Variants in RIF1 observed in about 807,000 individuals in gnomAD.
The protein encoded by RIF1 is replication timing regulatory factor 1.
In RIF1, 45 loss-of-function variants were observed where a neutral mutation model predicts 247.1. The ratio of observed to expected loss-of-function variants is 0.18; its 90% CI spans 0.14 to 0.23. The LOEUF is 0.23. RIF1 is among the 10% of genes least tolerant of loss of function. The probability of loss-of-function intolerance (pLI) is 1.00; values close to 1 mark genes in which losing one functional copy is unlikely to be tolerated. For synonymous variants in RIF1, 1,087 were observed against 978.8 expected, an observed-to-expected ratio of 1.11 and a Z score of -2.06; for missense variants, 2,967 against 2,862.5, an observed-to-expected ratio of 1.04 and a Z score of -0.83.
Position 151,464,322 on chromosome 2 carries a change from C to A in RIF1, c.4802C>A (p.Ser1601Ter). The A allele has an allele frequency of 6.2e-7, 1 of 1,610,834 alleles. No homozygotes were observed. Among genetic ancestry groups the A allele is most frequent in the South Asian group, 1.1e-5 (1 of 90,140 alleles). Residue 1601 changes from serine (S) to a stop codon, truncating the protein, a stop_gained, in exon 30 of 36, where the codon TCA becomes TAA. Coordinates refer to ENST00000444746, the MANE Select transcript of RIF1 (RefSeq NM_018151.5). LOFTEE classifies it high-confidence loss of function. ...KQECIKAENQ[S>*]HDYKATSEED... ...GAATGTATAAAAGCTGAAAATCAGTCACATGATTATAAAGCAACTTCTGAA... is the reference window on the plus strand; with the variant it reads ...GAATGTATAAAAGCTGAAAATCAGTAACATGATTATAAAGCAACTTCTGAA...
chr2:151,533,329 C>T, the RIF1 span: 1 of 697,690 alleles, frequency 1.4e-6, no homozygotes, highest in Non-Finnish European at 2.4e-6. Context: ...CATAGCTTTA[C>T]CATATGAAGC....
chr2:151,436,446 T>C (rs2152337449), intron 11 of RIF1, among the ~76,000 whole-genome samples: 1 of 149,514 alleles, frequency 6.7e-6, no homozygotes, highest in South Asian at 2.1e-4. Context: ...GGAATGCTGA[T>C]GGGAGAAGTG....
intron 7 of RIF1, among the ~76,000 whole-genome samples, chr2:151,420,643 G>A (rs548272855): frequency 3.2e-4 from 48 of 151,718 alleles, no homozygotes; most frequent in African/African-American, 8.2e-4. Flanking sequence ...AGACTAAGGC[G>A]GGAGGGTTGC....
chr2:151,533,501 T>G, the RIF1 span: 13 of 1,551,472 alleles, frequency 8.4e-6, no homozygotes, highest in Middle Eastern at 1.7e-4. Context: ...AGAATTTCAT[T>G]ACATCCATGT....
intron 30 of RIF1, 51 bp from the exon 31 acceptor site, chr2:151,467,949 T>A (rs748344720): frequency 3.9e-6 from 6 of 1,540,540 alleles, no homozygotes; most frequent in African/African-American, 1.4e-5. Flanking sequence ...TATGGTGTAA[T>A]TTTTTAAAAA....
chr2:151,494,683 C>G (rs2058941907), intron 9 of RIF1, among the ~76,000 whole-genome samples: 1 of 152,066 alleles, frequency 6.6e-6, no homozygotes, highest in Non-Finnish European at 1.5e-5. Context: ...GAGTCTTGCT[C>G]TGTCACCCAG....
the RIF1 span, among the ~76,000 whole-genome samples, chr2:151,525,542 A>T: frequency 7.9e-5 from 12 of 152,366 alleles, no homozygotes; most frequent in Admixed American, 1.3e-4. Context: ...ATATGGAACC[A>T]TATGGGACTC....
the RIF1 span, chr2:151,518,361 A>G: frequency 6.2e-7 from 1 of 1,612,220 alleles, no homozygotes; most frequent in Non-Finnish European, 8.5e-7. Context: ...AAGCTGCTCC[A>G]GATTATCGGG....
At chr2:151,520,501 T>C in the RIF1 span, among the ~76,000 whole-genome samples, 1 of 152,196 alleles carries the variant, frequency 6.6e-6, no homozygotes, top group Non-Finnish European at 1.5e-5. Flanking sequence ...CTTGCACTAA[T>C]AGTTGCTCAA....
chr2:151,502,973 G>A, intron 11 of RIF1: 1 of 753,882 alleles, frequency 1.3e-6, no homozygotes, highest in Non-Finnish European at 2.2e-6. Flanking sequence ...GGTTATATGT[G>A]AGGAGGCAGT....
intron 11 of RIF1, 143 bp downstream of exon 11, chr2:151,435,723 A>T: frequency 3.6e-6 from 2 of 552,050 alleles, no homozygotes; most frequent in Non-Finnish European, 3.2e-6. Context: ...CATAATTTTT[A>T]GGTTCATTAC....
At position 151,463,256 on chromosome 2, in the gene RIF1, A is replaced by C; in HGVS notation, c.3736A>C (p.Thr1246Pro). The C allele has an allele frequency of 5.0e-6, 8 of 1,613,260 alleles. No individual in the cohort carries two copies. The highest frequency in any genetic ancestry group is 6.8e-6 in the Non-Finnish European group (8 of 1,179,758). Residue 1246 changes from threonine to proline, a missense_variant, in exon 30 of 36, where the codon ACT becomes CCT. By Grantham distance (38) the Thr-to-Pro change is conservative. Around this residue, in one of 7 missense-constraint regions of RIF1, gnomAD observed 2,028 missense variants for 1,825.6 expected, o/e 1.11. Transcript: ENST00000444746. ...ATCCCCCTTGAATAATATTTCATCA[A>C]CTGTTACAGTGAAAAATAACCAGGA... ...SPSPLNNISS[T>P]VTVKNNQETM... is the part of the protein sequence containing the mutation.
chr2:151,468,886 T>A (rs1045212964), intron 33 of RIF1, 130 bp downstream of exon 33: 70 of 695,452 alleles, frequency 1.0e-4, no homozygotes, highest in Non-Finnish European at 2.5e-5. Flanking sequence ...ATTTTTGAAA[T>A]AAAAATGCAA....
chr2:151,460,898 G>T (rs1391937965), intron 26 of RIF1, among the ~76,000 whole-genome samples: 1 of 152,148 alleles, frequency 6.6e-6, no homozygotes, highest in Admixed American at 6.5e-5. Context: ...TCCATACTTT[G>T]TAGTTAAGCA....
At chr2:151,527,179 C>T in the RIF1 span, among the ~76,000 whole-genome samples, 26 of 152,118 alleles carry the variant, frequency 1.7e-4, no homozygotes, top group Middle Eastern at 3.4e-3. Context: ...GCATTTTGGA[C>T]TCCTCCTTTT....
chr2:151,471,568 A>C (rs2048529150), intron 34 of RIF1, among the ~76,000 whole-genome samples: 1 of 152,214 alleles, frequency 6.6e-6, no homozygotes, highest in African/African-American at 2.4e-5. Context: ...GAAGGGATCC[A>C]GTTTCAGCTT....
At chr2:151,449,308 G>T (rs1439184811) in intron 20 of RIF1, among the ~76,000 whole-genome samples, 1 of 152,068 alleles carries the variant, frequency 6.6e-6, no homozygotes, top group Non-Finnish European at 1.5e-5. Flanking sequence ...TGATATTGGA[G>T]TTCTCATTGT....
intron 22 of RIF1, among the ~76,000 whole-genome samples, chr2:151,456,266 T>C (rs1695184473): frequency 6.6e-6 from 1 of 152,230 alleles, no homozygotes; most frequent in Admixed American, 6.5e-5. Context: ...TGAACTTTTC[T>C]TTGCAAATCT....
At chr2:151,458,950 TTTAAG>T (rs769781978) in intron 25 of RIF1, 40 bp downstream of exon 25, 10 of 1,238,426 alleles carry the variant, frequency 8.1e-6, no homozygotes, top group South Asian at 2.6e-5. Context: ...TTTTTGGACA[TTTAAG>T]TTATTTGTTG....
Sources: allele counts gnomAD v4.1 joint callset (sites outside exome capture counted in the v4.1 genomes callset), GRCh38; gene constraint gnomAD v4.1.1; regional missense constraint gnomAD v4.1.1; transcripts MANE v1.5; gene names NCBI Gene and HGNC (gene_info 2026-07-23, HGNC 2026-07-21).